CFH: variants seen among roughly 807,000 people sequenced by gnomAD.
CFH encodes the protein complement factor H.
CFH carries 53 observed loss-of-function variants against 147.3 expected under a neutral mutation model. That is an observed-to-expected ratio of 0.36 (90% CI 0.29 to 0.45). The LOEUF (loss-of-function observed/expected upper bound fraction) is 0.45, where lower values mean the gene tolerates loss of function less well. CFH is among the 20% of genes least tolerant of loss of function. CFH has a pLI of 1.00. For synonymous variants in CFH, 536 were observed against 489.4 expected (o/e 1.10, Z -1.26); for missense variants, 1,380 against 1,498.0 (o/e 0.92, Z 1.30).
intron 2 of CFH, 125 bp downstream of exon 2, chr1:196,673,288 T>C: frequency 1.1e-6 from 1 of 950,000 alleles, no homozygotes; most frequent in Non-Finnish European, 1.6e-6. Context: ...TAATACATAA[T>C]CTTTTTTTTT....
At chr1:196,727,005 T>C (rs1669158730) in intron 14 of CFH, 65 bp downstream of exon 14, 3 of 1,442,132 alleles carry the variant, frequency 2.1e-6, no homozygotes, top group Admixed American at 1.7e-5. Context: ...ACAACAATAA[T>C]TGCAACTATA....
chr1:196,655,025 T>C (rs1180611341), intron 1 of CFH, among the ~76,000 whole-genome samples: 1 of 152,168 alleles, frequency 6.6e-6, no homozygotes, highest in Non-Finnish European at 1.5e-5. Flanking sequence ...CCTAAAATAC[T>C]TTACGTGTTG....
intron 9 of CFH, among the ~76,000 whole-genome samples, chr1:196,704,967 C>G (rs1668551051): frequency 6.6e-6 from 1 of 152,070 alleles, no homozygotes; most frequent in South Asian, 2.1e-4. Flanking sequence ...GTCCAGAGTC[C>G]CATGAAGTGT....
chr1:196,692,380 A>G, intron 9 of CFH: 1 of 838,004 alleles, frequency 1.2e-6, no homozygotes, highest in South Asian at 5.5e-5. Context: ...TCACAGATTA[A>G]TTGAGGCTAA....
chr1:196,674,093 T>C, intron 3 of CFH, 131 bp downstream of exon 3: 1 of 664,690 alleles, frequency 1.5e-6, no homozygotes, highest in Non-Finnish European at 2.6e-6. Context: ...ACCTGAAAGT[T>C]TAACTATGAT....
intron 9 of CFH, among the ~76,000 whole-genome samples, chr1:196,693,032 G>C (rs566052355): frequency 7.3e-5 from 11 of 151,250 alleles, no homozygotes; most frequent in Non-Finnish European, 1.5e-4. Flanking sequence ...AGGTTATTTA[G>C]CTACTTTACG....
chr1:196,656,686 GT>G (rs563378238), intron 1 of CFH, among the ~76,000 whole-genome samples: 1,934 of 132,510 alleles, frequency 0.015, 20 homozygotes, highest in African/African-American at 0.043. Flanking sequence ...TGTGTGTTGC[GT>G]TTTTTTTTTT....
intron 17 of CFH, among the ~76,000 whole-genome samples, chr1:196,740,150 T>C (rs755960771): frequency 6.6e-6 from 1 of 152,232 alleles, no homozygotes; most frequent in Non-Finnish European, 1.5e-5. Context: ...CACGTGAGGA[T>C]TATGGCAATT....
intron 18 of CFH, chr1:196,741,274 A>G (rs1219921758): frequency 5.7e-6 from 1 of 175,324 alleles, no homozygotes; most frequent in Non-Finnish European, 1.2e-5. Flanking sequence ...TAATTTATAA[A>G]AGAAAAAATT....
intron 15 of CFH, among the ~76,000 whole-genome samples, chr1:196,733,318 T>C (rs1669323514): frequency 6.6e-6 from 1 of 152,094 alleles, no homozygotes; most frequent in Non-Finnish European, 1.5e-5. Flanking sequence ...ACTTTCTCTT[T>C]CCTTTTCTGC....
intron 9 of CFH, among the ~76,000 whole-genome samples, chr1:196,698,010 G>A (rs1313382912): frequency 8.1e-6 from 1 of 123,882 alleles, no homozygotes; most frequent in African/African-American, 3.0e-5. Flanking sequence ...GTTGTGGGGT[G>A]GGGGGAGGGG....
intron 9 of CFH, among the ~76,000 whole-genome samples, chr1:196,710,326 G>A (rs931651904): frequency 4.6e-5 from 7 of 152,168 alleles, no homozygotes; most frequent in South Asian, 2.1e-4. Context: ...TACTGTCTCA[G>A]CGTATTGGTC....
chr1:196,725,743 C>G (rs1036356065), intron 12 of CFH, among the ~76,000 whole-genome samples: 7 of 152,098 alleles, frequency 4.6e-5, no homozygotes, highest in Non-Finnish European at 7.4e-5. Context: ...AGAGAGAGAG[C>G]AGGGCAGTGA....
intron 19 of CFH, 110 bp from the exon 20 acceptor site, chr1:196,743,342 G>T: frequency 7.0e-7 from 1 of 1,437,368 alleles, no homozygotes; most frequent in Non-Finnish European, 9.6e-7. Context: ...TATTTGATGA[G>T]ATTGTCTACT....
chr1:196,690,152 C>T lies in CFH; in HGVS notation c.1249C>T (p.His417Tyr). ...VQGKSIDVACHPGYALPKAQT... is the reference protein window; with the variant it reads ...VQGKSIDVACYPGYALPKAQT... ...GGGTAAATCTATAGACGTTGCCTGC[C>T]ATCCTGGCTACGCTCTTCCAAAAGC... is the stretch of plus-strand genomic sequence containing the variant. The change falls in exon 9 of 22, where the codon CAT becomes TAT. Residue 417 changes from histidine to tyrosine, a missense_variant. Physicochemically the swap from His to Tyr is moderately conservative, Grantham distance 83. Coordinates refer to ENST00000367429, the MANE Select transcript of CFH (RefSeq NM_000186.4). 6.2e-7 allele frequency: 1 copy of T among 1,613,320 alleles called. No individual in the cohort carries two copies.
rs1669154204 is a variant in CFH, at chr1:196,726,868, T to A, written c.2164T>A (p.Ser722Thr). Reference sequence around the variant, plus strand: ...TTCAGTGGAATTCAATTGCTCAGAATCATTTACAATGATTGGACACAGATC... The same window carrying A: ...TTCAGTGGAATTCAATTGCTCAGAAACATTTACAATGATTGGACACAGATC... ...GDSVEFNCSE[S>T]FTMIGHRSIT... is the part of the protein sequence containing the mutation. Residue 722 changes from serine (S) to threonine (T), a missense_variant, in exon 14 of 22, where the codon TCA becomes ACA. Physicochemically the swap from Ser to Thr is moderately conservative, Grantham distance 58. Around this residue, in one of 4 missense-constraint regions of CFH, gnomAD observed 830 missense variants for 821.4 expected, o/e 1.01. Coordinates refer to ENST00000367429, the MANE Select transcript of CFH (RefSeq NM_000186.4). 6.2e-7 allele frequency: 1 copy of A among 1,613,770 alleles called. No homozygotes were observed. Among genetic ancestry groups the A allele is most frequent in the Admixed American group, 1.7e-5 (1 of 59,960 alleles).
intron 4 of CFH, among the ~76,000 whole-genome samples, chr1:196,676,297 G>T (rs1027336432): frequency 6.6e-6 from 1 of 151,938 alleles, no homozygotes; most frequent in East Asian, 1.9e-4. Flanking sequence ...AGACATTAAG[G>T]AATCTAAAAC....
intron 14 of CFH, among the ~76,000 whole-genome samples, chr1:196,727,832 CG>C (rs1443459117): frequency 6.6e-6 from 1 of 152,128 alleles, no homozygotes. Context: ...TGAGTCAGGA[CG>C]TAAATCTCAT....
At chr1:196,700,703 C>A in intron 9 of CFH, 1 of 323,384 alleles carries the variant, frequency 3.1e-6, no homozygotes, top group Non-Finnish European at 4.5e-6. Flanking sequence ...AGCCACTCTC[C>A]TTGCAGTCAT....
Sources: gnomAD v4.1 joint callset for allele counts (sites outside exome capture counted in the v4.1 genomes callset) on GRCh38, gnomAD v4.1.1 for gene constraint, gnomAD v4.1.1 regional missense constraint, MANE v1.5 for transcripts, NCBI Gene and HGNC (gene_info 2026-07-23, HGNC 2026-07-21) for gene names.